PPP2R2B: variants seen among roughly 807,000 people sequenced by gnomAD.
The protein encoded by PPP2R2B is protein phosphatase 2 regulatory subunit Bbeta, also known as serine/threonine-protein phosphatase 2A 55 kDa regulatory subunit B beta isoform.
PPP2R2B carries 5 observed loss-of-function variants against 46.0 expected under a neutral mutation model. The observed-to-expected ratio is 0.11, with a 90% CI of 0.06 to 0.23. The LOEUF (loss-of-function observed/expected upper bound fraction) is 0.23. Ranked by LOEUF, PPP2R2B falls within the 10% of genes least tolerant of loss-of-function variation. The pLI is 1.00. For missense variants in PPP2R2B, 367 were observed against 575.0 expected, an observed-to-expected ratio of 0.64 and a Z score of 3.70; for synonymous variants, 215 against 206.7, an observed-to-expected ratio of 1.04 and a Z score of -0.34.
At position 147,032,507 on chromosome 5, in the gene PPP2R2B, C is replaced by T. The variant is rs549557389; in HGVS notation, c.79+23158G>A. ...ATTTATAGTATTTTAGCTCTCACCC[C>T]CCTCTCCCTCTTTCCCCCGAGTCCC... On this transcript the variant is annotated intron_variant, in intron 1 of 8. Transcript: ENST00000336640. 7.6e-4 allele frequency among the ~76,000 whole-genome samples: 116 copies of T among 152,040 alleles called. 1 individual carries two copies. Among genetic ancestry groups the T allele is most frequent in the African/African-American group, 2.6e-3 (109 of 41,450 alleles).
At chr5:147,046,218 C>T (rs1329811532) in intron 1 of PPP2R2B, among the ~76,000 whole-genome samples, 1 of 152,148 alleles carries the variant, frequency 6.6e-6, no homozygotes, top group Admixed American at 6.6e-5. Context: ...AATAATTGCT[C>T]TTACAAGGCA....
At chr5:146,635,299 G>T (rs1441370698) in intron 7 of PPP2R2B, among the ~76,000 whole-genome samples, 1 of 151,462 alleles carries the variant, frequency 6.6e-6, no homozygotes. Context: ...TTTAAGTTCA[G>T]TGGTACATGT....
chr5:147,038,897 A>C lies in PPP2R2B; in HGVS notation c.79+16768T>G, dbSNP rs140168436. On this transcript the variant is annotated intron_variant, in intron 1 of 8. Coordinates refer to the PPP2R2B transcript ENST00000336640. ...CAGAATCCAAGTTTTCTAACTGCTA[A>C]GATACACTGCTTCTTTAAAAAGTAT... is the stretch of plus-strand genomic sequence containing the variant. 1.2e-4 allele frequency among the ~76,000 whole-genome samples: 18 copies of C among 152,336 alleles called. No homozygotes were observed. In the East Asian group the frequency reaches 3.3e-3, roughly 28 times the overall value.
chr5:146,616,775 T>A (rs1773206948), intron 7 of PPP2R2B, among the ~76,000 whole-genome samples: 1 of 152,184 alleles, frequency 6.6e-6, no homozygotes, highest in African/African-American at 2.4e-5. Context: ...TTGGTGGGAA[T>A]GAAAATTCGA....
intron 2 of PPP2R2B, among the ~76,000 whole-genome samples, chr5:146,810,311 G>T (rs1481937757): frequency 1.3e-5 from 2 of 152,178 alleles, no homozygotes; most frequent in Non-Finnish European, 1.5e-5. Context: ...CTCATATGGT[G>T]GCGGGCAAGA....
Position 146,745,427 on chromosome 5 carries a change from A to G in PPP2R2B, c.71-44285T>C, listed in dbSNP as rs1362727661. On this transcript the variant is annotated intron_variant, in intron 2 of 9. Coordinates refer to ENST00000394411, the MANE Select transcript of PPP2R2B (RefSeq NM_181675.4). ...TTTGCAGGGTTGTTATGGAAGATCT[A>G]GAAAGAAAATAAATATATCAGCATT... Among the ~76,000 whole-genome samples, 9 of 152,344 alleles carry G rather than the reference A, an allele frequency of 5.9e-5. No homozygotes were observed. In the East Asian group the frequency reaches 1.7e-3, roughly 29 times the overall value.
chr5:146,911,509 T>C (rs1233864149), intron 1 of PPP2R2B, among the ~76,000 whole-genome samples: 1 of 152,238 alleles, frequency 6.6e-6, no homozygotes, highest in African/African-American at 2.4e-5. Flanking sequence ...CTGCTTTGGT[T>C]GGCAATTTAT....
chr5:146,987,977 T>C (rs968258516), intron 1 of PPP2R2B, among the ~76,000 whole-genome samples: 9 of 151,986 alleles, frequency 5.9e-5, no homozygotes, highest in African/African-American at 2.2e-4. Context: ...GCTATACTTA[T>C]ATCAGATAAA....
chr5:146,713,288 G>A (rs976100133), intron 2 of PPP2R2B, among the ~76,000 whole-genome samples: 1 of 152,158 alleles, frequency 6.6e-6, no homozygotes, highest in Non-Finnish European at 1.5e-5. Context: ...GCCTAGAGCA[G>A]AACAAACAAG....
chr5:146,869,615 A>C (rs1761498931), intron 2 of PPP2R2B, among the ~76,000 whole-genome samples: 1 of 152,236 alleles, frequency 6.6e-6, no homozygotes, highest in South Asian at 2.1e-4. Context: ...GTATGAATAG[A>C]AAGATGGCTC....
At chr5:146,862,060 T>C (rs1761039256) in intron 2 of PPP2R2B, among the ~76,000 whole-genome samples, 1 of 152,182 alleles carries the variant, frequency 6.6e-6, no homozygotes, top group South Asian at 2.1e-4. Flanking sequence ...ATAAATAATC[T>C]ATTATGATCT....
intron 2 of PPP2R2B, among the ~76,000 whole-genome samples, chr5:146,708,391 ATGTATGTGTGTGTGTATG>A (rs1324403618): frequency 7.4e-6 from 1 of 134,820 alleles, no homozygotes; most frequent in Non-Finnish European, 1.6e-5. Context: ...CTGTATATCT[ATGTATGTGTGTGTGTATG>A]TGTGTGTGTG....
At chr5:146,782,901 A>G (rs1482592776) in intron 2 of PPP2R2B, among the ~76,000 whole-genome samples, 1 of 152,116 alleles carries the variant, frequency 6.6e-6, no homozygotes, top group African/African-American at 2.4e-5. Context: ...GGAGAGAGAG[A>G]AAGAAAGGGG....
chr5:147,031,248 C>G (rs1380977564), intron 1 of PPP2R2B, among the ~76,000 whole-genome samples: 1 of 151,838 alleles, frequency 6.6e-6, no homozygotes, highest in Non-Finnish European at 1.5e-5. Context: ...AAAAAAAAAT[C>G]TTTATTTTGC....
At chr5:146,831,354 G>T (rs531064040) in intron 2 of PPP2R2B, among the ~76,000 whole-genome samples, 1 of 151,790 alleles carries the variant, frequency 6.6e-6, no homozygotes, top group Non-Finnish European at 1.5e-5. Flanking sequence ...AAAATTAGCC[G>T]AGTGTGGTGG....
intron 2 of PPP2R2B, among the ~76,000 whole-genome samples, chr5:146,742,878 C>T (rs776895301): frequency 5.9e-5 from 9 of 151,994 alleles, no homozygotes; most frequent in African/African-American, 1.2e-4. Context: ...GCGATGAAGG[C>T]GAAGGCAGAG....
At chr5:146,722,633 G>A (rs934442339) in intron 2 of PPP2R2B, among the ~76,000 whole-genome samples, 4 of 152,126 alleles carry the variant, frequency 2.6e-5, no homozygotes, top group Non-Finnish European at 4.4e-5. Context: ...TGGTTTTTCT[G>A]GCTCAAATTC....
intron 1 of PPP2R2B, among the ~76,000 whole-genome samples, chr5:146,928,611 T>G (rs1342709780): frequency 6.6e-6 from 1 of 152,150 alleles, no homozygotes; most frequent in Non-Finnish European, 1.5e-5. Flanking sequence ...ATACCATCTT[T>G]CACAGGACTA....
chr5:146,876,312 C>T (rs889515672), intron 2 of PPP2R2B, among the ~76,000 whole-genome samples: 1 of 152,206 alleles, frequency 6.6e-6, no homozygotes, highest in Non-Finnish European at 1.5e-5. Flanking sequence ...TTCTTCACTT[C>T]ACAATTGACA....
Sources: gnomAD v4.1 joint callset for allele counts (sites outside exome capture counted in the v4.1 genomes callset) on GRCh38, gnomAD v4.1.1 for gene constraint, MANE v1.5 for transcripts, NCBI Gene and HGNC (gene_info 2026-07-23, HGNC 2026-07-21) for gene names.